The following FHL2 variants were observed in gnomAD, a reference collection of about 807,000 sequenced individuals.
FHL2 encodes four and a half LIM domains protein 2.
A neutral mutation model predicts 32.7 loss-of-function variants in FHL2; 20 were observed. The observed-to-expected ratio is 0.61, with a 90% CI of 0.43 to 0.89. FHL2 has a LOEUF of 0.89. Ranked by LOEUF, FHL2 falls within the 40% of genes least tolerant of loss-of-function variation. The pLI is 0.00. For synonymous variants in FHL2, 123 were observed against 128.1 expected, an observed-to-expected ratio of 0.96 and a Z score of 0.27; for missense variants, 311 against 358.6, an observed-to-expected ratio of 0.87 and a Z score of 1.07.
intron 1 of FHL2, among the ~76,000 whole-genome samples, chr2:105,437,765 A>C (rs1684656370): frequency 6.6e-6 from 1 of 152,222 alleles, no homozygotes; most frequent in Non-Finnish European, 1.5e-5. Context: ...GGCATTACTC[A>C]GGACTGTGCA....
Position 105,363,282 on chromosome 2 carries a change from C to CA in FHL2, c.688+2dup. The CA allele has an allele frequency of 6.2e-7, 1 of 1,613,732 alleles. No homozygotes were observed. Among genetic ancestry groups the CA allele is most frequent in the Admixed American group, 1.7e-5 (1 of 60,004 alleles). On this transcript the variant is annotated splice_region_variant and intron_variant, in intron 6 of 6. Transcript: ENST00000530340. ...CTGGAAATGGGAACCCCGGGACACT[C>CA]ACCGCTGATGGGGTTGGTGCACCCA...
chr2:105,383,375 C>T (rs947157625), intron 3 of FHL2, among the ~76,000 whole-genome samples: 7 of 152,208 alleles, frequency 4.6e-5, no homozygotes, highest in African/African-American at 1.4e-4. Flanking sequence ...ATTACACTGG[C>T]CATACAAATC....
chr2:105,428,659 G>A (rs554962405), intron 1 of FHL2, among the ~76,000 whole-genome samples: 174 of 152,326 alleles, frequency 1.1e-3, no homozygotes, highest in African/African-American at 4.1e-3. Context: ...TGCTAGGCTG[G>A]TTCCTGGAGC....
intron 2 of FHL2, among the ~76,000 whole-genome samples, chr2:105,395,411 T>G (rs946170465): frequency 5.9e-5 from 9 of 152,274 alleles, no homozygotes; most frequent in Admixed American, 3.3e-4. Flanking sequence ...AGGGGTCTCC[T>G]CTCACCTCCC....
chr2:105,378,016 G>T (rs1681600251), intron 3 of FHL2: 3 of 463,744 alleles, frequency 6.5e-6, no homozygotes, highest in Non-Finnish European at 1.3e-5. Flanking sequence ...AACTGAGAGA[G>T]AAATCTCCAA....
chr2:105,361,254 T>C lies in FHL2; in HGVS notation c.*29A>G. On this transcript the variant is annotated 3_prime_UTR_variant, in exon 7 of 7. Transcript: ENST00000530340. ...AAAACATAAAAATCTGTGTGTGAGATCACAAGCAGCAACTTCTCTGTGTTG... is the reference window on the plus strand; with the variant it reads ...AAAACATAAAAATCTGTGTGTGAGACCACAAGCAGCAACTTCTCTGTGTTG... The C allele has an allele frequency of 6.3e-7, 1 of 1,597,450 alleles. No homozygotes were observed. Among genetic ancestry groups the C allele is most frequent in the Admixed American group, 1.7e-5 (1 of 57,752 alleles).
chr2:105,403,474 G>C (rs1007499581), upstream of FHL2, among the ~76,000 whole-genome samples: 3 of 152,168 alleles, frequency 2.0e-5, no homozygotes, highest in Admixed American at 6.5e-5. Flanking sequence ...CTCTCCTGTA[G>C]GTGGGCTTCA....
At chr2:105,371,317 C>G (rs1035976897) in intron 4 of FHL2, among the ~76,000 whole-genome samples, 7 of 152,150 alleles carry the variant, frequency 4.6e-5, no homozygotes, top group Admixed American at 1.3e-4. Context: ...TTCATCTAAT[C>G]GGTAGTGGGC....
chr2:105,371,922 T>A (rs979219015), intron 4 of FHL2, among the ~76,000 whole-genome samples: 4 of 152,192 alleles, frequency 2.6e-5, no homozygotes, highest in Admixed American at 2.6e-4. Context: ...TCATTTGCAC[T>A]GTCGCACAGC....
At chr2:105,377,864 A>G (rs1243044653) in intron 3 of FHL2, 1 of 362,618 alleles carries the variant, frequency 2.8e-6, no homozygotes, top group East Asian at 7.4e-5. Context: ...CTCTCTGGGA[A>G]GATAGTTGCT....
intron 1 of FHL2, among the ~76,000 whole-genome samples, chr2:105,409,171 C>G (rs539889347): frequency 6.6e-6 from 1 of 152,102 alleles, no homozygotes; most frequent in Non-Finnish European, 1.5e-5. Context: ...AGACCCTCTG[C>G]AGGAAAAATG....
intron 1 of FHL2, among the ~76,000 whole-genome samples, chr2:105,438,232 C>T (rs1239987382): frequency 3.3e-5 from 5 of 152,164 alleles, no homozygotes; most frequent in Non-Finnish European, 7.4e-5. Context: ...CTGCCAGCAA[C>T]ACCTGCATCT....
chr2:105,365,218 C>A (rs1484742748), intron 5 of FHL2, among the ~76,000 whole-genome samples: 3 of 152,220 alleles, frequency 2.0e-5, no homozygotes, highest in African/African-American at 7.2e-5. Context: ...CTGCTCTTCT[C>A]CTCCATAGCA....
At chr2:105,411,031 G>T (rs1245714900) in intron 1 of FHL2, among the ~76,000 whole-genome samples, 1 of 152,158 alleles carries the variant, frequency 6.6e-6, no homozygotes, top group Non-Finnish European at 1.5e-5. Flanking sequence ...TCTACAGCTT[G>T]CTTATTGAAT....
At chr2:105,417,909 T>C (rs1189598275) in intron 1 of FHL2, among the ~76,000 whole-genome samples, 4 of 151,710 alleles carry the variant, frequency 2.6e-5, no homozygotes, top group African/African-American at 9.7e-5. Context: ...GCACTAGGAG[T>C]CTTCCCACCA....
At chr2:105,404,493 G>A (rs1157682749) in intron 1 of FHL2, among the ~76,000 whole-genome samples, 1 of 152,150 alleles carries the variant, frequency 6.6e-6, no homozygotes, top group African/African-American at 2.4e-5. Flanking sequence ...CGCTTTTTCT[G>A]GAAACACTAT....
At chr2:105,399,429 A>G, upstream of FHL2, 1 of 1,536,130 alleles carries the variant, frequency 6.5e-7, no homozygotes, top group Non-Finnish European at 8.7e-7. Flanking sequence ...GGGGAGGCGG[A>G]GGGAGGAGGG....
At chr2:105,387,541 T>TCAGAAATG (rs1558704789) in intron 2 of FHL2, among the ~76,000 whole-genome samples, 1 of 152,160 alleles carries the variant, frequency 6.6e-6, no homozygotes, top group Non-Finnish European at 1.5e-5. Context: ...TATCAAATAG[T>TCAGAAATG]CAGAAATGCA....
At chr2:105,424,640 A>G (rs1459692049) in intron 1 of FHL2, among the ~76,000 whole-genome samples, 2 of 152,260 alleles carry the variant, frequency 1.3e-5, no homozygotes, top group East Asian at 1.9e-4. Flanking sequence ...ATGCCCATCA[A>G]TGATAGACTG....
Sources: allele counts gnomAD v4.1 joint callset (sites outside exome capture counted in the v4.1 genomes callset), GRCh38; gene constraint gnomAD v4.1.1; transcripts MANE v1.5; gene names NCBI Gene and HGNC (gene_info 2026-07-23, HGNC 2026-07-21).